The following COL25A1 variants were observed in gnomAD, a reference collection of about 807,000 sequenced individuals.
The protein encoded by COL25A1 is collagen type XXV alpha 1 chain.
A neutral mutation model predicts 128.4 loss-of-function variants in COL25A1; 103 were observed. The observed-to-expected ratio is 0.80, with a 90% CI of 0.68 to 0.94. The LOEUF is 0.94. Ranked by LOEUF, COL25A1 falls within the 40% of genes least tolerant of loss-of-function variation. The pLI is 0.00. For missense variants in COL25A1, 745 were observed against 840.0 expected (o/e 0.89, Z 1.40); for synonymous variants, 279 against 277.2 (o/e 1.01, Z -0.06).
intron 3 of COL25A1, among the ~76,000 whole-genome samples, chr4:109,121,999 C>T (rs1329176361): frequency 6.6e-6 from 1 of 151,940 alleles, no homozygotes; most frequent in Non-Finnish European, 1.5e-5. Flanking sequence ...TAGATGCATA[C>T]TAATAAGTGA....
At chr4:109,162,070 G>A (rs944924656) in intron 3 of COL25A1, among the ~76,000 whole-genome samples, 4 of 152,052 alleles carry the variant, frequency 2.6e-5, no homozygotes, top group African/African-American at 9.7e-5. Context: ...AAGAACATGA[G>A]GACATTTTTA....
intron 3 of COL25A1, among the ~76,000 whole-genome samples, chr4:109,183,434 T>C (rs1448048894): frequency 6.6e-6 from 1 of 152,188 alleles, no homozygotes; most frequent in Non-Finnish European, 1.5e-5. Flanking sequence ...ACTTTTGTGA[T>C]TCATGAGAAA....
At chr4:108,853,396 G>A (rs561315029) in intron 24 of COL25A1, among the ~76,000 whole-genome samples, 4 of 7,642 alleles carry the variant, frequency 5.2e-4, no homozygotes, top group East Asian at 8.5e-3. Flanking sequence ...GTGTGTGTGC[G>A]TGTGTGTGTG....
chr4:109,237,472 C>T (rs1025010098), intron 3 of COL25A1, among the ~76,000 whole-genome samples: 1 of 151,890 alleles, frequency 6.6e-6, no homozygotes, highest in African/African-American at 2.4e-5. Context: ...AGGGCATAAA[C>T]CTTCAACCAG....
At chr4:109,005,977 G>T (rs1755926984) in intron 6 of COL25A1, among the ~76,000 whole-genome samples, 1 of 151,636 alleles carries the variant, frequency 6.6e-6, no homozygotes, top group African/African-American at 2.4e-5. Flanking sequence ...TAAAATCAAA[G>T]AAATCAAAAG....
intron 3 of COL25A1, among the ~76,000 whole-genome samples, chr4:109,218,980 T>C (rs1364180688): frequency 6.6e-6 from 1 of 152,020 alleles, no homozygotes; most frequent in African/African-American, 2.4e-5. Flanking sequence ...TAATGAGAGG[T>C]TTCAGTGATG....
intron 3 of COL25A1, among the ~76,000 whole-genome samples, chr4:109,116,001 A>G (rs933880622): frequency 1.3e-5 from 2 of 152,014 alleles, no homozygotes; most frequent in African/African-American, 4.8e-5. Context: ...CGGCTCCAAA[A>G]ACTGGGGAGA....
rs757433922 is a variant in COL25A1 at position 108,817,380 on chromosome 4, T to C, written c.1962+17A>G. ...AGGGAGAGTGCTTCTTTTGAGAAAT[T>C]ATTCAGTAAAGCCTACCTTTTGCCA... On this transcript the variant is annotated intron_variant, in intron 37 of 37. Transcript: ENST00000399132. The C allele has an allele frequency of 8.7e-6, 14 of 1,612,484 alleles. No individual in the cohort carries two copies. Among genetic ancestry groups the C allele is most frequent in the Admixed American group, 3.3e-5 (2 of 59,964 alleles).
At chr4:108,879,546 C>CA (rs1739865733) in intron 19 of COL25A1, among the ~76,000 whole-genome samples, 1 of 152,094 alleles carries the variant, frequency 6.6e-6, no homozygotes, top group Non-Finnish European at 1.5e-5. Flanking sequence ...CTCCCAGGTT[C>CA]AAGTGATTCT....
intron 3 of COL25A1, among the ~76,000 whole-genome samples, chr4:109,079,073 A>C (rs192024786): frequency 1.3e-3 from 198 of 152,358 alleles, no homozygotes; most frequent in African/African-American, 4.6e-3. Context: ...AAACAGATTG[A>C]TGATCTAGGT....
At chr4:108,973,646 A>G (rs1752133289) in intron 8 of COL25A1, among the ~76,000 whole-genome samples, 1 of 152,208 alleles carries the variant, frequency 6.6e-6, no homozygotes, top group East Asian at 1.9e-4. Flanking sequence ...TGACATGAGA[A>G]AATTGAGAGG....
chr4:109,211,943 A>T (rs1281315079), intron 3 of COL25A1, among the ~76,000 whole-genome samples: 2 of 152,278 alleles, frequency 1.3e-5, no homozygotes, highest in East Asian at 3.9e-4. Context: ...TAAGACCTGT[A>T]TTTTGAATTC....
chr4:109,044,302 A>T (rs977088743), intron 5 of COL25A1, among the ~76,000 whole-genome samples: 1 of 152,178 alleles, frequency 6.6e-6, no homozygotes, highest in African/African-American at 2.4e-5. Flanking sequence ...ATATCCACAC[A>T]TAATTCTAGT....
intron 3 of COL25A1, among the ~76,000 whole-genome samples, chr4:109,298,303 G>C (rs1431824862): frequency 1.3e-5 from 2 of 152,138 alleles, no homozygotes; most frequent in Non-Finnish European, 2.9e-5. Context: ...GAGCCTACCT[G>C]AATAAACCTC....
At chr4:109,179,295 C>A (rs1692044051) in intron 3 of COL25A1, among the ~76,000 whole-genome samples, 1 of 152,184 alleles carries the variant, frequency 6.6e-6, no homozygotes, top group South Asian at 2.1e-4. Flanking sequence ...GTCCTCACCT[C>A]CCCCCACTGC....
At chr4:109,035,377 A>C (rs1391389385) in intron 5 of COL25A1, among the ~76,000 whole-genome samples, 1 of 152,236 alleles carries the variant, frequency 6.6e-6, no homozygotes, top group African/African-American at 2.4e-5. Context: ...CATCTTGGTA[A>C]TCACAGTACT....
chr4:108,833,027 C>T (rs1380782575), intron 31 of COL25A1, among the ~76,000 whole-genome samples: 1 of 80,606 alleles, frequency 1.2e-5, no homozygotes, highest in Admixed American at 1.4e-4. Context: ...GCCCCATAAT[C>T]TTAAGAAGAA....
chr4:108,904,721 C>T (rs1743255988), intron 13 of COL25A1, among the ~76,000 whole-genome samples: 1 of 152,026 alleles, frequency 6.6e-6, no homozygotes, highest in African/African-American at 2.4e-5. Context: ...ACACTGAGGG[C>T]ATTCCATAGA....
chr4:109,274,929 T>C (rs1241962850), intron 3 of COL25A1, among the ~76,000 whole-genome samples: 3 of 152,204 alleles, frequency 2.0e-5, no homozygotes, highest in Non-Finnish European at 4.4e-5. Context: ...TGATCATATA[T>C]TACTGCAAAT....
Sources: gnomAD v4.1 joint callset for allele counts (sites outside exome capture counted in the v4.1 genomes callset) on GRCh38, gnomAD v4.1.1 for gene constraint, MANE v1.5 for transcripts, NCBI Gene and HGNC (gene_info 2026-07-23, HGNC 2026-07-21) for gene names.